The following ZNF469 variants were observed in gnomAD, a reference collection of about 807,000 sequenced individuals.
ZNF469 encodes zinc finger protein 469.
A neutral mutation model predicts 1.0 loss-of-function variants in ZNF469; 1 was observed. That is an observed-to-expected ratio of 1.00 (90% CI 0.35 to 4.73). ZNF469 has a LOEUF of 4.73. Among genes scored for constraint, ZNF469 ranks in the 30% most tolerant of loss-of-function variants. The pLI is 0.16. For synonymous variants in ZNF469, 2,703 were observed against 2,363.4 expected (o/e 1.14, Z -4.17); for missense variants, 6,100 against 5,356.3 (o/e 1.14, Z -4.33).
chr16:88,152,699 T>C, the ZNF469 span, among the ~76,000 whole-genome samples: 1 of 152,188 alleles, frequency 6.6e-6, no homozygotes, highest in South Asian at 2.1e-4. The surrounding 1 kb of genome is among the most constrained non-coding windows in gnomAD (Gnocchi z 4.2). Context: ...AAGAATTACT[T>C]AGCAGTTGGT....
At chr16:88,146,735 G>A in the ZNF469 span, among the ~76,000 whole-genome samples, 22 of 152,062 alleles carry the variant, frequency 1.4e-4, no homozygotes, top group Non-Finnish European at 2.9e-4. Context: ...CAGCCCATGA[G>A]ATCCATTTGC....
the ZNF469 span, among the ~76,000 whole-genome samples, chr16:88,171,134 A>T: frequency 6.6e-6 from 1 of 152,268 alleles, no homozygotes; most frequent in African/African-American, 2.4e-5. Context: ...GGCATTTAGC[A>T]AGGTAGGCAT....
At chr16:88,148,312 T>A in the ZNF469 span, among the ~76,000 whole-genome samples, 1 of 152,192 alleles carries the variant, frequency 6.6e-6, no homozygotes, top group Admixed American at 6.5e-5. Flanking sequence ...CAGCATGTTC[T>A]GCACATGAAT....
the ZNF469 span, among the ~76,000 whole-genome samples, chr16:88,365,518 C>T: frequency 6.6e-6 from 1 of 152,238 alleles, no homozygotes; most frequent in African/African-American, 2.4e-5. Flanking sequence ...AGCTGTCTTC[C>T]TGCTGCCAGG....
At chr16:88,199,725 C>T in the ZNF469 span, among the ~76,000 whole-genome samples, 2 of 152,228 alleles carry the variant, frequency 1.3e-5, no homozygotes, top group East Asian at 1.9e-4. Flanking sequence ...GAGGACAGTG[C>T]TGGCCATAGG....
At chr16:88,315,716 T>G in the ZNF469 span, among the ~76,000 whole-genome samples, 1 of 152,128 alleles carries the variant, frequency 6.6e-6, no homozygotes, top group Admixed American at 6.5e-5. Flanking sequence ...CCGATCAGCT[T>G]CTAAAGCCCC....
chr16:88,418,932 C>A (rs1014902998), intron 1 of ZNF469, among the ~76,000 whole-genome samples: 2 of 152,236 alleles, frequency 1.3e-5, no homozygotes, highest in African/African-American at 4.8e-5. Context: ...GGACTACAGA[C>A]GGGAGGCCCC....
chr16:88,381,641 G>C (rs1015071878), upstream of ZNF469, among the ~76,000 whole-genome samples: 22 of 152,242 alleles, frequency 1.4e-4, no homozygotes, highest in African/African-American at 4.6e-4. Context: ...GAGATCCCAG[G>C]ACCTGGAGGC....
chr16:88,300,028 G>A, the ZNF469 span, among the ~76,000 whole-genome samples: 3 of 152,200 alleles, frequency 2.0e-5, no homozygotes, highest in Admixed American at 1.3e-4. Flanking sequence ...CTAGGGGGAC[G>A]CAATGGCATT....
chr16:88,347,425 G>C, the ZNF469 span, among the ~76,000 whole-genome samples: 1 of 152,140 alleles, frequency 6.6e-6, no homozygotes, highest in Non-Finnish European at 1.5e-5. Flanking sequence ...CACCCAGAGA[G>C]ACGGTCACAC....
At chr16:88,133,485 G>A in the ZNF469 span, among the ~76,000 whole-genome samples, 3 of 152,194 alleles carry the variant, frequency 2.0e-5, no homozygotes, top group East Asian at 1.9e-4. Context: ...CAGGCCTGAC[G>A]CGGATTCTCA....
Position 88,436,379 on chromosome 16 carries a change from G to T in ZNF469, c.8909G>T (p.Gly2970Val). Residue 2970 changes from glycine (G) to valine (V), a missense_variant, in exon 3 of 3, where the codon GGT becomes GTT. Transcript: ENST00000565624. ...LWALEPSREA[G>V]AEKLPSHCPE... Reference sequence around the variant, plus strand: ...GCCCTGGAGCCCAGCAGGGAAGCTGGTGCAGAGAAGCTGCCCTCCCACTGC... The same window carrying T: ...GCCCTGGAGCCCAGCAGGGAAGCTGTTGCAGAGAAGCTGCCCTCCCACTGC... 6.5e-7 allele frequency: 1 copy of T among 1,550,064 alleles called. No homozygotes were observed.
the ZNF469 span, among the ~76,000 whole-genome samples, chr16:88,304,979 C>T: frequency 6.6e-6 from 1 of 152,108 alleles, no homozygotes; most frequent in Non-Finnish European, 1.5e-5. Context: ...ATCTGGAATC[C>T]CCCTCCCCAA....
At chr16:88,416,366 C>T (rs558407656) in intron 1 of ZNF469, among the ~76,000 whole-genome samples, 23 of 152,262 alleles carry the variant, frequency 1.5e-4, no homozygotes, top group Admixed American at 5.2e-4. Context: ...GCCCGGGCGT[C>T]CTCATCTGTG....
the ZNF469 span, among the ~76,000 whole-genome samples, chr16:88,244,205 A>C: frequency 3.8e-5 from 5 of 130,806 alleles, no homozygotes; most frequent in African/African-American, 1.4e-4. Flanking sequence ...GGGTGGATAC[A>C]TGCATTTATG....
At chr16:88,275,842 G>A in the ZNF469 span, among the ~76,000 whole-genome samples, 2 of 152,194 alleles carry the variant, frequency 1.3e-5, no homozygotes, top group South Asian at 2.1e-4. Flanking sequence ...AGGAGGCGGG[G>A]CACAGGGGAA....
chr16:88,167,836 C>T, the ZNF469 span, among the ~76,000 whole-genome samples: 4 of 152,242 alleles, frequency 2.6e-5, no homozygotes, highest in South Asian at 4.1e-4. Context: ...CTCCCCAGGA[C>T]GGACCGCTCC....
chr16:88,146,288 G>A, the ZNF469 span, among the ~76,000 whole-genome samples: 23 of 152,194 alleles, frequency 1.5e-4, no homozygotes, highest in Non-Finnish European at 2.9e-4. Context: ...CCCTCGCTGC[G>A]GGCCACCGTA....
the ZNF469 span, among the ~76,000 whole-genome samples, chr16:88,345,193 C>G: frequency 3.8e-3 from 585 of 152,324 alleles, 10 homozygotes; most frequent in African/African-American, 0.013. Context: ...GCCAGATGCT[C>G]CATTTCCATC....
Sources: gnomAD v4.1 joint callset for allele counts (sites outside exome capture counted in the v4.1 genomes callset) on GRCh38, gnomAD v4.1.1 for gene constraint, Gnocchi (gnomAD v3.1) non-coding constraint, MANE v1.5 for transcripts, NCBI Gene and HGNC (gene_info 2026-07-23, HGNC 2026-07-21) for gene names.